The following PUDP variants were observed in gnomAD, a reference collection of about 807,000 sequenced individuals.
PUDP encodes the protein pseudouridine-5'-phosphatase.
In PUDP, 8 loss-of-function variants were observed where a neutral mutation model predicts 9.4. The observed-to-expected ratio is 0.85, with a 90% CI of 0.50 to 1.53. The LOEUF is 1.53. PUDP is among the 40% of genes most tolerant of loss of function. The pLI is 0.00. For synonymous variants in PUDP, 99 were observed against 80.7 expected (o/e 1.23, Z -1.22); for missense variants, 188 against 189.7 (o/e 0.99, Z 0.05).
chrX:6,991,391 T>G (rs1929174224), intron 1 of PUDP, among the ~76,000 whole-genome samples: 1 of 111,489 alleles, frequency 9.0e-6, no homozygotes, highest in African/African-American at 3.3e-5. Context: ...AAAAATTTTT[T>G]TTAAATATTG....
In PUDP at chrX:7,049,833, T is replaced by A; in HGVS notation, c.*463A>T. On this transcript the variant is annotated 3_prime_UTR_variant, in exon 4 of 4. Transcript: ENST00000381077. The stretch of plus-strand genomic sequence containing the variant: ...TACACAGTTTACATTTCCCAGCCAG[T>A]GTTCAGAAAAACTAGAAGAGAGAAG... 1 of 105,647 alleles carries A rather than the reference T, an allele frequency of 9.5e-6. No homozygotes were observed. Among genetic ancestry groups the A allele is most frequent in the Non-Finnish European group, 2.0e-5 (1 of 50,582 alleles). 8.7% of individuals were successfully genotyped at this position (105,647 alleles called of 1,213,427 possible). A position where few individuals can be genotyped will look rare whatever the true frequency, so the allele number is the denominator to read the frequency against.
chrX:7,009,562 G>A (rs1929448653), intron 1 of PUDP, among the ~76,000 whole-genome samples: 1 of 111,569 alleles, frequency 9.0e-6, no homozygotes, highest in East Asian at 2.8e-4. Context: ...ATCTAGCAAG[G>A]AACTTTATGA....
At chrX:6,973,870 T>A (rs1368467879) in intron 3 of PUDP, among the ~76,000 whole-genome samples, 1 of 111,744 alleles carries the variant, frequency 8.9e-6, no homozygotes, top group Non-Finnish European at 1.9e-5. Flanking sequence ...GAACTTGCTT[T>A]ATGAATCTGG....
intron 3 of PUDP, among the ~76,000 whole-genome samples, chrX:6,887,543 C>T (rs1251737235): frequency 9.1e-6 from 1 of 110,267 alleles, no homozygotes; most frequent in East Asian, 2.8e-4. Flanking sequence ...GGGTGGGTCT[C>T]GGGCGTGAGC....
rs1376448711 is a variant in PUDP, at chrX:6,774,837, G to A, written c.*248-68371C>T. Among the ~76,000 whole-genome samples, 7 of 112,443 alleles carry A rather than the reference G, an allele frequency of 6.2e-5. No individual in the cohort carries two copies. The Admixed American group carries it at 6.6e-4, about 11-fold the overall frequency. ...TGTTTGAAATCCTACCAGATCTGGG[G>A]TTTTAAGTCAAGCCCAGCTGCACAT... On this transcript the variant is annotated intron_variant and NMD_transcript_variant, in intron 3 of 3. Coordinates refer to the PUDP transcript ENST00000655425.
chrX:7,057,285 A>G (rs1307819541), intron 3 of PUDP, among the ~76,000 whole-genome samples: 3 of 111,550 alleles, frequency 2.7e-5, no homozygotes, highest in African/African-American at 9.8e-5. Flanking sequence ...AAAATACCAC[A>G]GACTGGGTGG....
chrX:6,716,280 T>C (rs1325979551), intron 1 of PUDP, among the ~76,000 whole-genome samples: 2 of 111,729 alleles, frequency 1.8e-5, no homozygotes, highest in African/African-American at 6.5e-5. Context: ...CTTGTGAAGA[T>C]AATGTGTCAG....
chrX:6,817,100 A>C (rs1926263878), intron 3 of PUDP, among the ~76,000 whole-genome samples: 1 of 106,356 alleles, frequency 9.4e-6, no homozygotes, highest in African/African-American at 3.4e-5. Flanking sequence ...ATTTTGAGAT[A>C]GTATCTCACT....
At chrX:6,993,862 A>G (rs113066325) in intron 1 of PUDP, among the ~76,000 whole-genome samples, 11 of 111,892 alleles carry the variant, frequency 9.8e-5, no homozygotes, top group African/African-American at 3.6e-4. Context: ...AGAGGAATCA[A>G]TCTTCATGGA....
chrX:6,871,457 G>A (rs1331273138), intron 3 of PUDP, among the ~76,000 whole-genome samples: 1 of 111,802 alleles, frequency 8.9e-6, no homozygotes, highest in Non-Finnish European at 1.9e-5. Flanking sequence ...TTTGAAACAG[G>A]AAGCCTTTTC....
intron 3 of PUDP, among the ~76,000 whole-genome samples, chrX:6,930,415 T>C (rs917575554): frequency 2.7e-5 from 3 of 111,298 alleles, no homozygotes; most frequent in African/African-American, 9.8e-5. Flanking sequence ...TCGCTGCTCA[T>C]TATATGCTAA....
At chrX:7,028,977 A>G (rs1439281834) in intron 1 of PUDP, among the ~76,000 whole-genome samples, 1 of 111,094 alleles carries the variant, frequency 9.0e-6, no homozygotes, top group Admixed American at 9.6e-5. Flanking sequence ...TCTTCTTATA[A>G]GGACACCAGA....
chrX:6,812,341 C>G (rs182147904), intron 3 of PUDP, among the ~76,000 whole-genome samples: 1 of 111,828 alleles, frequency 8.9e-6, no homozygotes, highest in African/African-American at 3.2e-5. Context: ...CTGTCAAACC[C>G]TTCAAATCTT....
At chrX:6,908,923 G>C (rs1051011953) in intron 3 of PUDP, among the ~76,000 whole-genome samples, 1 of 111,559 alleles carries the variant, frequency 9.0e-6, no homozygotes, top group Admixed American at 9.6e-5. Flanking sequence ...GCCGATAGCT[G>C]TAAGAACACC....
chrX:7,005,696 C>A (rs189502001), intron 1 of PUDP, among the ~76,000 whole-genome samples: 23 of 111,755 alleles, frequency 2.1e-4, no homozygotes, highest in South Asian at 1.5e-3. Flanking sequence ...GTATGAGCCA[C>A]TGCACCTGAC....
chrX:6,716,617 A>G (rs1569086438), intron 1 of PUDP, among the ~76,000 whole-genome samples: 1 of 105,345 alleles, frequency 9.5e-6, no homozygotes, highest in Non-Finnish European at 1.9e-5. Flanking sequence ...TTTCCTTTAA[A>G]TATATTTCTA....
chrX:6,902,817 A>G (rs1172566137), intron 3 of PUDP, among the ~76,000 whole-genome samples: 2 of 111,952 alleles, frequency 1.8e-5, no homozygotes, highest in African/African-American at 6.5e-5. Flanking sequence ...AAGTTAACAC[A>G]TAGTTACAAA....
chrX:7,137,268 G>A (rs1472596110), intron 1 of PUDP, among the ~76,000 whole-genome samples: 2 of 106,548 alleles, frequency 1.9e-5, no homozygotes, highest in African/African-American at 3.4e-5. Context: ...ACTAAGGCCG[G>A]GTGTGGTGGT....
upstream of PUDP, among the ~76,000 whole-genome samples, chrX:6,725,631 C>A (rs1281597595): frequency 8.9e-6 from 1 of 112,003 alleles, no homozygotes; most frequent in Middle Eastern, 4.2e-3. Flanking sequence ...CAAAAGAAGA[C>A]ATAAAAATGG....
Sources: gnomAD v4.1 joint callset for allele counts (sites outside exome capture counted in the v4.1 genomes callset) on GRCh38, gnomAD v4.1.1 for gene constraint, MANE v1.5 for transcripts, NCBI Gene and HGNC (gene_info 2026-07-23, HGNC 2026-07-21) for gene names.